METTL24: variants seen among roughly 807,000 people sequenced by gnomAD.
The protein encoded by METTL24 is methyltransferase like 24, also known as probable methyltransferase-like protein 24.
A neutral mutation model predicts 32.7 loss-of-function variants in METTL24; 29 were observed. The observed-to-expected ratio is 0.89, with a 90% CI of 0.66 to 1.21. METTL24 has a LOEUF of 1.21. Among genes scored for constraint, METTL24 ranks in the 50% most tolerant of loss-of-function variants. The probability of loss-of-function intolerance (pLI) is 0.00; values close to 1 mark genes in which losing one functional copy is unlikely to be tolerated. For synonymous variants in METTL24, 163 were observed against 179.5 expected (o/e 0.91, Z 0.73); for missense variants, 439 against 468.1 (o/e 0.94, Z 0.57).
intron 4 of METTL24, among the ~76,000 whole-genome samples, chr6:110,248,154 C>A (rs1778203802): frequency 6.6e-6 from 1 of 152,164 alleles, no homozygotes; most frequent in Non-Finnish European, 1.5e-5. Flanking sequence ...CTCCCTGAGG[C>A]CTCACCAGGA....
At chr6:110,258,440 A>G (rs947542822) in intron 4 of METTL24, among the ~76,000 whole-genome samples, 5 of 152,176 alleles carry the variant, frequency 3.3e-5, no homozygotes, top group Non-Finnish European at 5.9e-5. Flanking sequence ...TATGCTTGAT[A>G]ATTATTTATT....
At chr6:110,343,307 C>T (rs1017898290) in intron 1 of METTL24, among the ~76,000 whole-genome samples, 1 of 152,214 alleles carries the variant, frequency 6.6e-6, no homozygotes, top group African/African-American at 2.4e-5. Context: ...CAGCAGTAGC[C>T]ATAGCTAGGA....
chr6:110,312,456 T>C (rs1771739734), intron 3 of METTL24, among the ~76,000 whole-genome samples: 1 of 152,096 alleles, frequency 6.6e-6, no homozygotes, highest in African/African-American at 2.4e-5. Flanking sequence ...AAGCTAAGTG[T>C]CCATTAGTGA....
At position 110,358,236 on chromosome 6, in the gene METTL24, C is replaced by T. The variant is rs749824096; in HGVS notation, c.37G>A (p.Val13Ile). The change falls in exon 1 of 5, where the codon GTC becomes ATC. Residue 13 changes from valine (V) to isoleucine (I), a missense_variant. By Grantham distance (29) the Val-to-Ile change is conservative (BLOSUM62 3). Coordinates refer to ENST00000338882, the MANE Select transcript of METTL24 (RefSeq NM_001123364.3). Reference sequence around the variant, plus strand: ...GCCCCGAGTAGACACCGGCGCAGGACGCCGCAGCCCCTCCCGGGCGGCCTC... The same window carrying T: ...GCCCCGAGTAGACACCGGCGCAGGATGCCGCAGCCCCTCCCGGGCGGCCTC... ...RERPPGRGCG[V>I]LRRCLLGAVL... is the part of the protein sequence containing the mutation. 1.4e-4 allele frequency: 204 copies of T among 1,487,032 alleles called. 1 individual carries two copies. The Middle Eastern group carries it at 1.4e-3, about 10-fold the overall frequency. The allele number at this position is 1,487,032 out of a possible 1,614,324, so 92.1% of individuals were successfully genotyped here.
chr6:110,345,378 A>T (rs1290467737), intron 1 of METTL24, among the ~76,000 whole-genome samples: 2 of 152,216 alleles, frequency 1.3e-5, no homozygotes, highest in Non-Finnish European at 2.9e-5. Context: ...CGATTCCTCA[A>T]AGAGCTAAAA....
chr6:110,331,757 C>T lies in METTL24; in HGVS notation c.319-8885G>A, dbSNP rs563967742. On this transcript the variant is annotated intron_variant, in intron 1 of 4. Coordinates refer to ENST00000338882, the MANE Select transcript of METTL24 (RefSeq NM_001123364.3). ...AAAGATTCAAGAAGCTTTGCAAACC[C>T]CTCAGAGGAAAACTCGAAGAATTCC... Among the ~76,000 whole-genome samples the T allele has an allele frequency of 9.9e-5, 15 of 152,176 alleles. No individual in the cohort carries two copies. The South Asian group carries it at 3.1e-3, about 32-fold the overall frequency.
intron 4 of METTL24, among the ~76,000 whole-genome samples, chr6:110,277,464 A>G (rs1407250815): frequency 6.6e-6 from 1 of 152,200 alleles, no homozygotes; most frequent in Non-Finnish European, 1.5e-5. Flanking sequence ...GAAGAATGTT[A>G]TACCCCTCCA....
chr6:110,355,359 C>T (rs1203861799), intron 1 of METTL24, among the ~76,000 whole-genome samples: 7 of 152,156 alleles, frequency 4.6e-5, no homozygotes, highest in Admixed American at 4.6e-4. Context: ...CAGTGAATGA[C>T]GTTTGGAGAC....
chr6:110,259,743 G>A (rs1039463605), intron 4 of METTL24, among the ~76,000 whole-genome samples: 2 of 152,144 alleles, frequency 1.3e-5, no homozygotes, highest in East Asian at 1.9e-4. Context: ...CACCTCACAC[G>A]GCTGGGTACT....
chr6:110,306,259 G>A (rs7757247), intron 3 of METTL24, among the ~76,000 whole-genome samples: 34,913 of 151,716 alleles, frequency 0.23, 6,459 homozygotes, highest in African/African-American at 0.51. Flanking sequence ...TACCTGTGTA[G>A]CAGACCTGCA....
chr6:110,319,929 A>T (rs1374610483), intron 2 of METTL24, among the ~76,000 whole-genome samples: 1 of 152,064 alleles, frequency 6.6e-6, no homozygotes, highest in Non-Finnish European at 1.5e-5. Context: ...CTGGCCTAGG[A>T]AGCTTTCCCC....
chr6:110,306,076 T>A (rs1056268935), intron 3 of METTL24, among the ~76,000 whole-genome samples: 11 of 151,416 alleles, frequency 7.3e-5, no homozygotes, highest in African/African-American at 2.7e-4. Context: ...GAACACCACA[T>A]GTTCTCACTC....
At chr6:110,340,284 C>G (rs558807446) in intron 1 of METTL24, among the ~76,000 whole-genome samples, 1 of 152,266 alleles carries the variant, frequency 6.6e-6, no homozygotes, top group East Asian at 1.9e-4. Flanking sequence ...TTGTCCAGGA[C>G]AGTAGGCCCA....
At chr6:110,286,893 C>G (rs1290750238) in intron 4 of METTL24, among the ~76,000 whole-genome samples, 2 of 152,206 alleles carry the variant, frequency 1.3e-5, no homozygotes, top group African/African-American at 2.4e-5. Flanking sequence ...GAACGTCAGA[C>G]TCCAAGTTCT....
chr6:110,315,967 A>G (rs1007088652), intron 2 of METTL24, among the ~76,000 whole-genome samples: 2 of 152,206 alleles, frequency 1.3e-5, no homozygotes, highest in African/African-American at 4.8e-5. Context: ...TCTCAGAAGC[A>G]TACTCCCAAG....
At chr6:110,276,370 G>A (rs1353996935) in intron 4 of METTL24, among the ~76,000 whole-genome samples, 1 of 152,222 alleles carries the variant, frequency 6.6e-6, no homozygotes, top group African/African-American at 2.4e-5. Flanking sequence ...AAGATCCCTT[G>A]AGCCTAGGAG....
chr6:110,292,858 A>G (rs1771344225), intron 4 of METTL24, among the ~76,000 whole-genome samples: 1 of 152,094 alleles, frequency 6.6e-6, no homozygotes, highest in Non-Finnish European at 1.5e-5. Context: ...TGACACATCC[A>G]TCTTTTCTCT....
chr6:110,269,493 C>T (rs566917372), intron 4 of METTL24, among the ~76,000 whole-genome samples: 70 of 152,210 alleles, frequency 4.6e-4, no homozygotes, highest in African/African-American at 1.5e-3. Flanking sequence ...TAGGCTGTCC[C>T]GAGACTTTTT....
intron 1 of METTL24, among the ~76,000 whole-genome samples, chr6:110,340,836 A>AT (rs1167041896): frequency 4.6e-5 from 7 of 150,954 alleles, no homozygotes; most frequent in East Asian, 1.9e-4. Context: ...TACGTTCTCT[A>AT]TTTTTTTTTC....
Sources: gnomAD v4.1 joint callset for allele counts (sites outside exome capture counted in the v4.1 genomes callset) on GRCh38, gnomAD v4.1.1 for gene constraint, MANE v1.5 for transcripts, NCBI Gene and HGNC (gene_info 2026-07-23, HGNC 2026-07-21) for gene names.